MED16: variants seen among roughly 807,000 people sequenced by gnomAD.
MED16 encodes the protein mediator complex subunit 16.
MED16 carries 81 observed loss-of-function variants against 84.4 expected under a neutral mutation model. The observed-to-expected ratio is 0.96, with a 90% CI of 0.80 to 1.15. The LOEUF is 1.15. MED16 is among the 50% of genes most tolerant of loss of function. The pLI is 0.00. For synonymous variants in MED16, 897 were observed against 552.2 expected, an observed-to-expected ratio of 1.62 and a Z score of -8.76; for missense variants, 1,585 against 1,245.9, an observed-to-expected ratio of 1.27 and a Z score of -4.10.
At chr19:877,844 G>A (rs1423631698) in intron 8 of MED16, among the ~76,000 whole-genome samples, 1 of 60,434 alleles carries the variant, frequency 1.7e-5, no homozygotes, top group African/African-American at 6.6e-5. Flanking sequence ...TGCCCACCAA[G>A]CCCAGCCCCA....
chr19:892,568 C>T (rs2036657983), intron 1 of MED16: 1 of 148,800 alleles, frequency 6.7e-6, no homozygotes, highest in African/African-American at 2.5e-5. Context: ...AACCCCCAAT[C>T]TCCAGGGTCC....
intron 13 of MED16, among the ~76,000 whole-genome samples, 170 bp downstream of exon 13, chr19:870,867 C>T (rs1439720750): frequency 5.2e-5 from 5 of 96,592 alleles, no homozygotes; most frequent in Non-Finnish European, 8.3e-5. Context: ...GGGAGGGAGC[C>T]GTGTGGATTC....
At chr19:869,216 G>A (rs1157508700) in intron 13 of MED16, among the ~76,000 whole-genome samples, 1 of 152,038 alleles carries the variant, frequency 6.6e-6, no homozygotes, top group African/African-American at 2.4e-5. Context: ...AGGGGACGGG[G>A]CCCACACAGG....
intron 12 of MED16, chr19:871,663 C>T (rs1157142450): frequency 1.3e-6 from 2 of 1,582,280 alleles, no homozygotes; most frequent in East Asian, 2.3e-5. Flanking sequence ...GTGCTAGGAA[C>T]TGGGGAAATA....
intron 9 of MED16, among the ~76,000 whole-genome samples, chr19:876,147 C>T (rs2036223872): frequency 2.6e-5 from 4 of 151,536 alleles, no homozygotes; most frequent in African/African-American, 9.7e-5. Flanking sequence ...TTTTTTTTTT[C>T]CCATTTTATC....
Position 876,731 on chromosome 19 carries a change from C to T in MED16, c.1560+243G>A, listed in dbSNP as rs1240112191. 2.0e-5 allele frequency among the ~76,000 whole-genome samples: 3 copies of T among 152,224 alleles called. No homozygotes were observed. In the East Asian group the frequency reaches 5.8e-4, roughly 29 times the overall value. On this transcript the variant is annotated intron_variant, in intron 9 of 15. Transcript: ENST00000325464. ...ACCCCTCCAGCTGCCACAACCCCCA[C>T]ATCTGCCGTGGGGACCTCTACAACT...
At chr19:875,602 G>A in intron 9 of MED16, 148 bp from the exon 10 acceptor site, 1 of 625,576 alleles carries the variant, frequency 1.6e-6, no homozygotes, top group Non-Finnish European at 2.8e-6. Flanking sequence ...GCAACCTCAT[G>A]GCAAAACAGG....
Position 881,665 on chromosome 19 carries a change from G to C in MED16, c.1035C>G (p.Thr345=), listed in dbSNP as rs1331162660. ...CGGCCGACACACGGTCCAGATCGTT[G>C]GTGGCCGATAGGATCCGCCATTTGA... is the stretch of plus-strand genomic sequence containing the variant. ...TILKWRILSA[T]NDLDRVSAVA... Residue 345 remains threonine (T), a synonymous_variant, in exon 7 of 16, where the codon ACC becomes ACG. Transcript: ENST00000325464. 1 of 1,612,700 alleles carries C rather than the reference G, an allele frequency of 6.2e-7. No homozygotes were observed.
At chr19:870,954 G>A (rs1256284787) in intron 13 of MED16, 83 bp downstream of exon 13, 20 of 1,356,476 alleles carry the variant, frequency 1.5e-5, no homozygotes, top group South Asian at 4.2e-5. Context: ...TGCAGGGAGG[G>A]AGCCGTGTGG....
intron 8 of MED16, among the ~76,000 whole-genome samples, chr19:879,410 G>T (rs2036357441): frequency 7.6e-6 from 1 of 132,224 alleles, no homozygotes; most frequent in East Asian, 2.3e-4. Context: ...CCTTTCCCTG[G>T]TTGTCAATGC....
In MED16 at chr19:892,874, A is replaced by C. The variant is rs1243628292; in HGVS notation, c.-19+212T>G. ...CCCCAGGTTTCCGCCGCAAACCCTG[A>C]GCCCCGAGCCCCGCGCCCCGCGCCC... On this transcript the variant is annotated intron_variant, in intron 1 of 15. Transcript: ENST00000325464. The C allele has an allele frequency of 7.1e-5, 6 of 84,216 alleles. No individual in the cohort carries two copies. The East Asian group carries it at 1.0e-3, about 14-fold the overall frequency. 5.2% of individuals were successfully genotyped at this position (84,216 alleles called of 1,614,324 possible).
At chr19:871,571 A>C (rs569963957) in intron 12 of MED16, 2 of 1,594,814 alleles carry the variant, frequency 1.3e-6, no homozygotes, top group East Asian at 2.2e-5. Flanking sequence ...CCTCACATAC[A>C]CACAACCCGA....
At chr19:876,911 G>A (rs10414386) in intron 9 of MED16, 63 bp downstream of exon 9, 74,742 of 1,292,350 alleles carry the variant, frequency 0.058, 3,889 homozygotes, top group Non-Finnish European at 0.064. Flanking sequence ...CACCTGCCAC[G>A]GGGCCCCCAC....
chr19:880,645 C>T (rs1378135075), intron 7 of MED16, among the ~76,000 whole-genome samples: 2 of 152,220 alleles, frequency 1.3e-5, no homozygotes, highest in Non-Finnish European at 1.5e-5. Flanking sequence ...CAAAGCCGGG[C>T]GCGGTGGCTC....
In MED16 at chr19:881,594, T is replaced by C; in HGVS notation, c.1106A>G (p.Lys369Arg). 2 of 1,612,602 alleles carry C rather than the reference T, an allele frequency of 1.2e-6. No individual in the cohort carries two copies. The highest frequency in any genetic ancestry group is 1.7e-6 in the Non-Finnish European group (2 of 1,179,890). Reference protein sequence around the residue: ...LPISLTNTDLKVASDTQFYPG... With the variant: ...LPISLTNTDLRVASDTQFYPG... The stretch of plus-strand genomic sequence containing the variant: ...GTAGAACTGTGTGTCGCTGGCCACC[T>C]TGAGGTCGGTGTTGGTGAGCGAGAT... The change falls in exon 7 of 16, where the codon AAG (lysine) becomes AGG (arginine). Residue 369 changes from lysine (K) to arginine (R), a missense_variant. Transcript: ENST00000325464.
chr19:868,901 AAGGTGCAGCCTCCGC>A lies in MED16; in HGVS notation c.2346_2360del (p.Arg783_Leu787del), dbSNP rs2035980120. 6.4e-7 allele frequency: 1 copy of A among 1,552,390 alleles called. No homozygotes were observed. Among genetic ancestry groups the A allele is most frequent in the Admixed American group, 2.0e-5 (1 of 50,604 alleles). On this transcript the variant is annotated inframe_deletion, in exon 14 of 16. Transcript: ENST00000325464. The stretch of plus-strand genomic sequence containing the variant: ...TGCATTCCTCCGTGGGGCAAGCGCC[AAGGTGCAGCCTCCGC>A]AGGTGGTCGATCTTGGGCTGGCCTG...
intron 12 of MED16, 53 bp from the exon 13 acceptor site, chr19:871,306 G>GCCACC: frequency 6.7e-7 from 1 of 1,487,200 alleles, no homozygotes. Flanking sequence ...GCACCGCCCG[G>GCCACC]CCACCCGGGA....
chr19:877,930 T>C (rs1178584640), intron 8 of MED16, among the ~76,000 whole-genome samples: 1 of 111,560 alleles, frequency 9.0e-6, no homozygotes. Context: ...GCAGCTCACC[T>C]TCCCGTGGTT....
intron 15 of MED16, 75 bp downstream of exon 15, chr19:868,341 G>GTAC: frequency 3.8e-6 from 6 of 1,581,922 alleles, no homozygotes; most frequent in Non-Finnish European, 5.1e-6. Context: ...CAGCTGAGGG[G>GTAC]TAGCTGAGGA....
Sources: gnomAD v4.1 joint callset for allele counts (sites outside exome capture counted in the v4.1 genomes callset) on GRCh38, gnomAD v4.1.1 for gene constraint, MANE v1.5 for transcripts, NCBI Gene and HGNC (gene_info 2026-07-23, HGNC 2026-07-21) for gene names.